Variants in RFC5 observed in about 807,000 individuals in gnomAD.
RFC5 encodes replication factor C subunit 5, also known as A1 36 kDa subunit.
In RFC5, 26 loss-of-function variants were observed where a neutral mutation model predicts 44.3. That is an observed-to-expected ratio of 0.59 (90% confidence interval 0.43 to 0.81). The LOEUF is 0.81. RFC5 is among the 40% of genes least tolerant of loss of function. The probability of loss-of-function intolerance (pLI) is 0.00; values close to 1 mark genes in which losing one functional copy is unlikely to be tolerated. For missense variants in RFC5, 328 were observed against 418.6 expected (o/e 0.78, Z 1.89); for synonymous variants, 155 against 155.2 (o/e 1.00, Z 0.01).
downstream of RFC5, chr12:118,032,567 G>C (rs1052977540): frequency 3.9e-5 from 6 of 152,128 alleles, no homozygotes; most frequent in Non-Finnish European, 7.3e-5. Flanking sequence ...TCCCAGGCTC[G>C]AGCAGTTCTC....
In RFC5 at chr12:118,030,369, T is replaced by C. The variant is rs550143381; in HGVS notation, c.926+544T>C. ...GCACAAATTAGGTCACCTCTCCTCATTGCATTGTGAATATGATGATTTTGC... is the reference window on the plus strand; with the variant it reads ...GCACAAATTAGGTCACCTCTCCTCACTGCATTGTGAATATGATGATTTTGC... On this transcript the variant is annotated intron_variant, in intron 10 of 10. Transcript: ENST00000454402. Among the ~76,000 whole-genome samples the C allele has an allele frequency of 3.3e-5, 5 of 152,274 alleles. No individual in the cohort carries two copies. The East Asian group carries it at 7.7e-4, about 24-fold the overall frequency.
At chr12:118,038,965 TCATAGGAAAC>T in the RFC5 span, among the ~76,000 whole-genome samples, 1 of 152,158 alleles carries the variant, frequency 6.6e-6, no homozygotes, top group African/African-American at 2.4e-5. Flanking sequence ...AAAGGTTTCC[TCATAGGAAAC>T]CATATCAAAG....
At chr12:118,018,079 C>G (rs1334214910) in intron 1 of RFC5, 2 of 692,868 alleles carry the variant, frequency 2.9e-6, no homozygotes, top group East Asian at 5.4e-5. Context: ...CACTATGTGG[C>G]CTTTTGTGTC....
rs5745894 is a variant in RFC5, at chr12:118,032,005, G to T, written c.*727G>T. The T allele has an allele frequency of 6.6e-6, 1 of 152,170 alleles. No homozygotes were observed. Among genetic ancestry groups the T allele is most frequent in the Non-Finnish European group, 1.5e-5 (1 of 68,038 alleles). 9.4% of individuals were successfully genotyped at this position (152,170 alleles called of 1,614,324 possible). On this transcript the variant is annotated 3_prime_UTR_variant, in exon 11 of 11. Coordinates refer to ENST00000454402, the MANE Select transcript of RFC5 (RefSeq NM_007370.7). ...AGCCTGACTGTAAACCTAGAACTGC[G>T]GAAGGACTGGGACTTTTGTACAAAT...
intron 1 of RFC5, among the ~76,000 whole-genome samples, chr12:118,018,656 C>G (rs1005545638): frequency 6.6e-6 from 1 of 151,950 alleles, no homozygotes; most frequent in African/African-American, 2.4e-5. Flanking sequence ...GGCTGGAGTG[C>G]TGGAGTGCAG....
At chr12:118,035,130 C>A (rs1470254014), downstream of RFC5, 2 of 1,613,196 alleles carry the variant, frequency 1.2e-6, no homozygotes, top group Admixed American at 1.7e-5. Flanking sequence ...TATTAGCTGA[C>A]CCAGGGCCAG....
chr12:118,041,208 T>C, the RFC5 span, among the ~76,000 whole-genome samples: 15 of 152,088 alleles, frequency 9.9e-5, no homozygotes, highest in African/African-American at 3.6e-4. Flanking sequence ...GTGATGGTAT[T>C]AGGAGGCGGG....
chr12:118,018,102 C>T (rs1566119662), intron 1 of RFC5: 3 of 682,814 alleles, frequency 4.4e-6, no homozygotes, highest in Non-Finnish European at 8.0e-6. Flanking sequence ...GTTTCTTTCA[C>T]TCAGGATCAT....
chr12:118,027,852 A>G, intron 8 of RFC5, 101 bp from the exon 9 acceptor site: 1 of 738,318 alleles, frequency 1.4e-6, no homozygotes, highest in Non-Finnish European at 2.5e-6. Flanking sequence ...TTGGGATTAA[A>G]AGCCTTACTT....
chr12:118,016,920 G>T, intron 1 of RFC5, 28 bp downstream of exon 1: 1 of 1,597,608 alleles, frequency 6.3e-7, no homozygotes, highest in African/African-American at 1.3e-5. Context: ...GGCGGCGGTG[G>T]GCAGAGGGGG....
chr12:118,022,420 C>A, intron 5 of RFC5, 61 bp downstream of exon 5: 1 of 1,177,870 alleles, frequency 8.5e-7, no homozygotes, highest in Non-Finnish European at 1.3e-6. Context: ...GAATTAGGAA[C>A]TTTGTGTTTG....
intron 1 of RFC5, chr12:118,017,574 G>T: frequency 1.3e-6 from 1 of 780,422 alleles, no homozygotes; most frequent in Non-Finnish European, 1.6e-6. Context: ...GCTTCGAAAA[G>T]CTGCAAGTTG....
chr12:118,025,394 G>A (rs941388223), intron 6 of RFC5: 10 of 320,418 alleles, frequency 3.1e-5, no homozygotes, highest in Admixed American at 1.3e-4. Context: ...GCAAGTAGCC[G>A]ACCTGAGCAG....
chr12:118,021,019 T>C, intron 4 of RFC5, 34 bp downstream of exon 4: 1 of 1,330,738 alleles, frequency 7.5e-7, no homozygotes, highest in South Asian at 1.2e-5. Context: ...GCTCCCTTGA[T>C]TTTGATTAGT....
At chr12:118,034,683 AG>A, downstream of RFC5, 1 of 496,046 alleles carries the variant, frequency 2.0e-6, no homozygotes, top group Non-Finnish European at 3.5e-6. Context: ...TTACCTGTAA[AG>A]TGGTCTTTTA....
chr12:118,018,791 G>A (rs1268760333), intron 1 of RFC5, among the ~76,000 whole-genome samples: 1 of 151,856 alleles, frequency 6.6e-6, no homozygotes, highest in African/African-American at 2.4e-5. Flanking sequence ...TGTATTTTTT[G>A]GTATTTTTTA....
rs758640090 is a variant in RFC5, at chr12:118,031,290, G to T, written c.*12G>T. 6.4e-7 allele frequency: 1 copy of T among 1,560,924 alleles called. No individual in the cohort carries two copies. The highest frequency in any genetic ancestry group is 8.8e-7 in the Non-Finnish European group (1 of 1,132,254). ...TTGCAGAGGCCTAGATGCTCTGAGG[G>T]CCATTCACAATTCTCAGGGCTCAGC... On this transcript the variant is annotated 3_prime_UTR_variant, in exon 11 of 11. Transcript: ENST00000454402.
At chr12:118,022,442 A>C (rs981949366) in intron 5 of RFC5, 83 bp downstream of exon 5, 21 of 997,338 alleles carry the variant, frequency 2.1e-5, no homozygotes, top group Non-Finnish European at 3.1e-5. Context: ...TGCTGTTGTC[A>C]TTGTTTTTTT....
intron 8 of RFC5, chr12:118,027,311 G>A: frequency 5.6e-6 from 2 of 355,714 alleles, no homozygotes; most frequent in Admixed American, 8.5e-5. Flanking sequence ...TTTTCAAGTG[G>A]TCATGATAGT....
Sources: gnomAD v4.1 joint callset for allele counts (sites outside exome capture counted in the v4.1 genomes callset) on GRCh38, gnomAD v4.1.1 for gene constraint, MANE v1.5 for transcripts, NCBI Gene and HGNC (gene_info 2026-07-23, HGNC 2026-07-21) for gene names.